GPHN: variants seen among roughly 807,000 people sequenced by gnomAD.
GPHN encodes gephyrin.
A neutral mutation model predicts 95.5 loss-of-function variants in GPHN; 17 were observed. That is an observed-to-expected ratio of 0.18 (90% confidence interval 0.12 to 0.27). The LOEUF (loss-of-function observed/expected upper bound fraction) is 0.27, where lower values mean the gene tolerates loss of function less well. Ranked by LOEUF, GPHN falls within the 10% of genes least tolerant of loss-of-function variation. The pLI, the probability that GPHN is intolerant of heterozygous loss-of-function variation, is 1.00. For missense variants in GPHN, 660 were observed against 978.1 expected (o/e 0.67, Z 4.34); for synonymous variants, 320 against 322.5 (o/e 0.99, Z 0.08).
the GPHN span, among the ~76,000 whole-genome samples, chr14:67,477,404 A>C: frequency 6.6e-6 from 1 of 152,188 alleles, no homozygotes; most frequent in Non-Finnish European, 1.5e-5. Context: ...GGTTACCTTC[A>C]GAACAAAATC....
chr14:66,935,761 A>C (rs2067098103), intron 8 of GPHN, among the ~76,000 whole-genome samples: 2 of 151,866 alleles, frequency 1.3e-5, no homozygotes, highest in African/African-American at 4.8e-5. Context: ...TATTAAAACT[A>C]TATATATACA....
At chr14:67,292,893 A>G in the GPHN span, among the ~76,000 whole-genome samples, 1 of 152,326 alleles carries the variant, frequency 6.6e-6, no homozygotes, top group East Asian at 1.9e-4. Flanking sequence ...CTAAAAACAA[A>G]AAAAGTTTAC....
chr14:66,977,340 A>C (rs1183327921), intron 9 of GPHN, among the ~76,000 whole-genome samples: 3 of 152,112 alleles, frequency 2.0e-5, no homozygotes, highest in Non-Finnish European at 4.4e-5. Flanking sequence ...CTGAGGCAGG[A>C]GAATCACTTG....
chr14:67,152,260 C>G (rs1224959273), intron 18 of GPHN, among the ~76,000 whole-genome samples: 2 of 152,184 alleles, frequency 1.3e-5, no homozygotes, highest in Non-Finnish European at 2.9e-5. Context: ...TTTCCCCTCT[C>G]AACATCTGTG....
chr14:66,967,674 C>T (rs1282866889), intron 9 of GPHN, among the ~76,000 whole-genome samples: 1 of 151,676 alleles, frequency 6.6e-6, no homozygotes, highest in Non-Finnish European at 1.5e-5. Flanking sequence ...GGATGCTCAA[C>T]ATGTAAAATA....
intron 1 of GPHN, among the ~76,000 whole-genome samples, chr14:66,550,840 A>G (rs2059782680): frequency 6.6e-6 from 1 of 151,862 alleles, no homozygotes; most frequent in African/African-American, 2.4e-5. Context: ...TTTTTTTAGC[A>G]GTAAGGTTTT....
chr14:66,666,316 A>G (rs2065953672), intron 1 of GPHN, among the ~76,000 whole-genome samples: 2 of 151,118 alleles, frequency 1.3e-5, no homozygotes, highest in Middle Eastern at 3.4e-3. Context: ...AAGGAAAAGA[A>G]TGCACAATAT....
chr14:67,629,489 T>TA, the GPHN span, among the ~76,000 whole-genome samples: 4 of 152,200 alleles, frequency 2.6e-5, no homozygotes, highest in Non-Finnish European at 5.9e-5. Flanking sequence ...GTCCAATTTA[T>TA]AAAAACAAAG....
the GPHN span, among the ~76,000 whole-genome samples, chr14:67,193,984 CAGAA>C: frequency 8.1e-6 from 1 of 122,862 alleles, no homozygotes; most frequent in Non-Finnish European, 1.6e-5. Context: ...AAAAAAAAAA[CAGAA>C]AGAAAGAAAT....
chr14:67,360,106 C>G, the GPHN span: 5 of 422,702 alleles, frequency 1.2e-5, no homozygotes, highest in Non-Finnish European at 2.1e-5. Context: ...TTAGCTGAAA[C>G]TTTGAAAGAG....
At chr14:67,655,718 T>G in the GPHN span, among the ~76,000 whole-genome samples, 2 of 152,192 alleles carry the variant, frequency 1.3e-5, no homozygotes, top group Non-Finnish European at 2.9e-5. Flanking sequence ...GTGTGAGAAA[T>G]TAAAATCTCA....
At chr14:66,798,853 A>G (rs189599364) in intron 3 of GPHN, among the ~76,000 whole-genome samples, 1 of 149,298 alleles carries the variant, frequency 6.7e-6, no homozygotes, top group Non-Finnish European at 1.5e-5. Context: ...TTCTGCTACT[A>G]CTCTTGGGTT....
the GPHN span, chr14:67,359,601 G>C: frequency 6.3e-7 from 1 of 1,599,132 alleles, no homozygotes; most frequent in Non-Finnish European, 8.6e-7. Flanking sequence ...GGTCTGAAGG[G>C]ACCGCGCTCC....
the GPHN span, chr14:67,575,564 C>T: frequency 2.4e-5 from 20 of 825,744 alleles, no homozygotes; most frequent in East Asian, 2.9e-4. Flanking sequence ...CCCTACCCCA[C>T]GTAACCCCAC....
the GPHN span, among the ~76,000 whole-genome samples, chr14:67,643,602 T>C: frequency 1.3e-5 from 2 of 152,140 alleles, no homozygotes; most frequent in Admixed American, 6.5e-5. Context: ...GGTGGGAGGA[T>C]TGCTTGAGCC....
the GPHN span, among the ~76,000 whole-genome samples, chr14:67,644,932 A>G: frequency 6.6e-6 from 1 of 151,768 alleles, no homozygotes; most frequent in South Asian, 2.1e-4. Flanking sequence ...CAGGAGGCGG[A>G]CGTTGTAGTG....
chr14:66,856,415 C>A (rs1335633642), intron 4 of GPHN, among the ~76,000 whole-genome samples: 1 of 152,086 alleles, frequency 6.6e-6, no homozygotes, highest in Non-Finnish European at 1.5e-5. Context: ...AATAGAGAAA[C>A]ACCTTGATTC....
intron 4 of GPHN, among the ~76,000 whole-genome samples, chr14:66,854,775 T>G (rs571439122): frequency 6.6e-6 from 1 of 152,262 alleles, no homozygotes; most frequent in South Asian, 2.1e-4. Flanking sequence ...AATTTAATGG[T>G]TTTTGGTATA....
intron 8 of GPHN, among the ~76,000 whole-genome samples, chr14:66,925,106 ATAC>A (rs1171734619): frequency 6.6e-6 from 1 of 152,150 alleles, no homozygotes; most frequent in Non-Finnish European, 1.5e-5. Context: ...CTCTTAGAAG[ATAC>A]TACCAAGTGA....
Sources: allele counts gnomAD v4.1 joint callset (sites outside exome capture counted in the v4.1 genomes callset), GRCh38; gene constraint gnomAD v4.1.1; transcripts MANE v1.5; gene names NCBI Gene and HGNC (gene_info 2026-07-23, HGNC 2026-07-21).